The following EPG5 variants were observed in gnomAD, a reference collection of about 807,000 sequenced individuals.
EPG5 encodes the protein ectopic P-granules 5 autophagy tethering factor, also known as ectopic P granules protein 5 homolog.
A neutral mutation model predicts 302.7 loss-of-function variants in EPG5; 159 were observed. That is an observed-to-expected ratio of 0.53 (90% CI 0.46 to 0.60). EPG5 has a LOEUF of 0.60. EPG5 is among the 20% of genes least tolerant of loss of function. EPG5 has a pLI of 0.00. For missense variants in EPG5, 2,896 were observed against 3,092.4 expected (o/e 0.94, Z 1.51); for synonymous variants, 1,158 against 1,136.8 (o/e 1.02, Z -0.37).
At chr18:45,939,397 TGA>T (rs371421015) in intron 10 of EPG5, among the ~76,000 whole-genome samples, 32 of 150,306 alleles carry the variant, frequency 2.1e-4, no homozygotes, top group Admixed American at 1.1e-3. Context: ...AGAAAGAAAT[TGA>T]GAGAGAGAGA....
chr18:45,899,442 C>A lies in EPG5; in HGVS notation c.4771G>T (p.Gly1591Cys), dbSNP rs370120497. The A allele has an allele frequency of 6.2e-7, 1 of 1,614,100 alleles. No homozygotes were observed. Among genetic ancestry groups the A allele is most frequent in the Admixed American group, 1.7e-5 (1 of 60,014 alleles). ...TLHLECRGSS[G>C]KKCQGAAVVT... ...ACTGCGGCTCCTTGGCATTTCTTAC[C>A]GCTGCTGCCTCTGCACTCCAAATGT... The change falls in exon 27 of 44, where the codon GGT (glycine) becomes TGT (cysteine). Residue 1591 changes from glycine (G) to cysteine (C), a missense_variant. Transcript: ENST00000282041.
intron 27 of EPG5, chr18:45,890,242 C>G (rs2049311951): frequency 4.7e-6 from 1 of 211,670 alleles, no homozygotes; most frequent in Non-Finnish European, 9.4e-6. Flanking sequence ...TCATGGCTCC[C>G]CAGCCGTAGC....
At chr18:45,830,276 GCT>G in the EPG5 span, among the ~76,000 whole-genome samples, 2 of 152,226 alleles carry the variant, frequency 1.3e-5, no homozygotes, top group Admixed American at 1.3e-4. Context: ...AGGCTCCCCA[GCT>G]CTGTTTCTGT....
At chr18:45,919,400 G>GC (rs1177670351) in intron 16 of EPG5, among the ~76,000 whole-genome samples, 1 of 152,102 alleles carries the variant, frequency 6.6e-6, no homozygotes, top group Admixed American at 6.5e-5. Context: ...TGAATAAAGG[G>GC]CTATGGTCCC....
Position 45,930,785 on chromosome 18 carries a change from T to C in EPG5, c.2303A>G (p.Asn768Ser), listed in dbSNP as rs61736031. 151 of 1,607,650 alleles carry C rather than the reference T, an allele frequency of 9.4e-5. No individual in the cohort carries two copies. The African/African-American group carries it at 1.8e-3, about 19-fold the overall frequency. Reference sequence around the variant, plus strand: ...CAGAAGGCAAATCTCTTCTGAGCTATTCATAGAAGAAAGACACTTCTCAAA... The same window carrying C: ...CAGAAGGCAAATCTCTTCTGAGCTACTCATAGAAGAAAGACACTTCTCAAA... Reference protein sequence around the residue: ...TNFEKCLSSMNSSEEICLLTT... With the variant: ...TNFEKCLSSMSSSEEICLLTT... The change falls in exon 12 of 44, where the codon AAT becomes AGT. Residue 768 changes from asparagine (N) to serine (S), a missense_variant. Coordinates refer to ENST00000282041, the MANE Select transcript of EPG5 (RefSeq NM_020964.3).
intron 36 of EPG5, among the ~76,000 whole-genome samples, chr18:45,868,560 G>A (rs1222513154): frequency 6.7e-6 from 1 of 149,980 alleles, no homozygotes; most frequent in East Asian, 2.0e-4. Context: ...GTAGAGTCCG[G>A]GTTTCTCCAT....
At chr18:45,886,681 A>C (rs1335350051) in intron 29 of EPG5, among the ~76,000 whole-genome samples, 1 of 151,898 alleles carries the variant, frequency 6.6e-6, no homozygotes, top group Non-Finnish European at 1.5e-5. Context: ...TTTTTGAGAC[A>C]GAGTTTTGCT....
At chr18:45,843,381 A>G (rs531877), downstream of EPG5, 19,700 of 152,258 alleles carry the variant, frequency 0.13, 3,244 homozygotes, top group African/African-American at 0.39. Context: ...GGTCCCAGGT[A>G]AGCTGGCAAG....
intron 17 of EPG5, among the ~76,000 whole-genome samples, chr18:45,917,338 T>C (rs1450868221): frequency 6.6e-6 from 1 of 152,222 alleles, no homozygotes; most frequent in Non-Finnish European, 1.5e-5. Flanking sequence ...ATCTTTTCTA[T>C]TGTTACAATG....
intron 26 of EPG5, among the ~76,000 whole-genome samples, chr18:45,900,108 G>A (rs1254599132): frequency 6.6e-6 from 1 of 152,092 alleles, no homozygotes; most frequent in African/African-American, 2.4e-5. Context: ...ATACTGATAA[G>A]AAATTGATTC....
intron 11 of EPG5, among the ~76,000 whole-genome samples, chr18:45,931,834 C>CA (rs1362140141): frequency 2.0e-5 from 3 of 150,814 alleles, no homozygotes; most frequent in Non-Finnish European, 2.9e-5. Context: ...GACTCCATTT[C>CA]AAAAAAATAA....
intron 14 of EPG5, 142 bp from the exon 15 acceptor site, chr18:45,923,529 G>T: frequency 1.1e-6 from 1 of 871,472 alleles, no homozygotes; most frequent in Non-Finnish European, 1.7e-6. Context: ...ATCCCACACA[G>T]TCAAACTATA....
chr18:45,887,019 C>T (rs1178950642), intron 29 of EPG5, among the ~76,000 whole-genome samples: 1 of 152,124 alleles, frequency 6.6e-6, no homozygotes, highest in Non-Finnish European at 1.5e-5. Flanking sequence ...ATGATGATAC[C>T]TGTTCAGCAT....
intron 4 of EPG5, among the ~76,000 whole-genome samples, chr18:45,950,707 G>A (rs2050888327): frequency 6.6e-6 from 1 of 152,152 alleles, no homozygotes; most frequent in Non-Finnish European, 1.5e-5. Context: ...CTTAGGTGTG[G>A]AATTTTCCAC....
chr18:45,867,927 GTGTA>G (rs2048782074), intron 36 of EPG5, 179 bp from the exon 37 acceptor site: 2 of 687,126 alleles, frequency 2.9e-6, no homozygotes, highest in Non-Finnish European at 2.7e-6. Flanking sequence ...TCCTTCCACA[GTGTA>G]TGTGTGTATA....
chr18:45,800,892 T>G, the EPG5 span, among the ~76,000 whole-genome samples: 1 of 152,214 alleles, frequency 6.6e-6, no homozygotes, highest in Admixed American at 6.5e-5. Context: ...TCTTGATACC[T>G]GTTTGGAAGG....
chr18:45,866,830 G>A lies in EPG5; in HGVS notation c.6589C>T (p.Leu2197Phe). 6.2e-7 allele frequency: 1 copy of A among 1,614,094 alleles called. No homozygotes were observed. Among genetic ancestry groups the A allele is most frequent in the Non-Finnish European group, 8.5e-7 (1 of 1,179,974 alleles). ...IMKLLKVSAG[L>F]SIPTDSQKHL... ...TTCTGGCTGTCAGTAGGAATAGAAA[G>A]GCCCGCAGACACTTTTAGGAGCTTC... The change falls in exon 38 of 44, where the codon CTT (leucine) becomes TTT (phenylalanine). Residue 2197 changes from leucine to phenylalanine, a missense_variant. By Grantham distance (22) the Leu-to-Phe change is conservative. Transcript: ENST00000282041.
chr18:45,954,084 T>G (rs1258110566), intron 2 of EPG5: 1 of 260,842 alleles, frequency 3.8e-6, no homozygotes, highest in Non-Finnish European at 6.0e-6. Context: ...TAGTTTTTCT[T>G]GTAAAATCAT....
At chr18:45,832,080 C>G in the EPG5 span, among the ~76,000 whole-genome samples, 2 of 152,234 alleles carry the variant, frequency 1.3e-5, no homozygotes, top group Non-Finnish European at 2.9e-5. Context: ...TCCCACCACC[C>G]TCTGTTCACA....
Sources: allele counts gnomAD v4.1 joint callset (sites outside exome capture counted in the v4.1 genomes callset), GRCh38; gene constraint gnomAD v4.1.1; transcripts MANE v1.5; gene names NCBI Gene and HGNC (gene_info 2026-07-23, HGNC 2026-07-21).